PRRX2: variants seen among roughly 807,000 people sequenced by gnomAD.
PRRX2 encodes paired related homeobox 2, also known as paired mesoderm homeobox protein 2.
In PRRX2, 11 loss-of-function variants were observed where a neutral mutation model predicts 18.0. That is an observed-to-expected ratio of 0.61 (90% CI 0.39 to 1.01). The LOEUF (loss-of-function observed/expected upper bound fraction) is 1.01. PRRX2 is among the 50% of genes least tolerant of loss of function. PRRX2 has a pLI of 0.01. For missense variants in PRRX2, 387 were observed against 351.0 expected, an observed-to-expected ratio of 1.10 and a Z score of -0.82; for synonymous variants, 177 against 154.8, an observed-to-expected ratio of 1.14 and a Z score of -1.06.
chr9:129,691,028 T>C (rs1204553511), intron 1 of PRRX2, among the ~76,000 whole-genome samples: 1 of 151,972 alleles, frequency 6.6e-6, no homozygotes, highest in Non-Finnish European at 1.5e-5. Context: ...AACACAGATA[T>C]TATTAAAAAT....
chr9:129,696,253 C>T (rs919091016), intron 1 of PRRX2, among the ~76,000 whole-genome samples: 28 of 152,066 alleles, frequency 1.8e-4, no homozygotes, highest in African/African-American at 6.5e-4. Flanking sequence ...AGCCACATAC[C>T]CCTGAATAGT....
intron 1 of PRRX2, among the ~76,000 whole-genome samples, chr9:129,682,628 A>C (rs979402862): frequency 3.3e-5 from 5 of 151,830 alleles, no homozygotes; most frequent in African/African-American, 1.2e-4. Flanking sequence ...GAGTGTCTCC[A>C]CCCCCTCTCA....
At chr9:129,670,509 G>C (rs549184359) in intron 1 of PRRX2, among the ~76,000 whole-genome samples, 1 of 152,090 alleles carries the variant, frequency 6.6e-6, no homozygotes, top group Non-Finnish European at 1.5e-5. Flanking sequence ...CGAGTAGCTA[G>C]GATTACAGGT....
chr9:129,722,297 G>A lies in PRRX2; in HGVS notation c.707G>A (p.Arg236His), dbSNP rs201083423. 57 of 1,613,988 alleles carry A rather than the reference G, an allele frequency of 3.5e-5. No individual in the cohort carries two copies. Among genetic ancestry groups the A allele is most frequent in the East Asian group, 4.5e-5 (2 of 44,874 alleles). ...ATGGCCAACAGCATCGCCAGCCTCC[G>A]TCTCAAGGCCAAGGAGTTCAGCCTG... is the stretch of plus-strand genomic sequence containing the variant. ...VNMANSIASL[R>H]LKAKEFSLHH... is the part of the protein sequence containing the mutation. The change falls in exon 4 of 4, where the codon CGT (arginine) becomes CAT (histidine). Residue 236 changes from arginine to histidine, a missense_variant. Transcript: ENST00000372469.
chr9:129,717,921 G>T (rs959903111), intron 1 of PRRX2, among the ~76,000 whole-genome samples: 1 of 152,164 alleles, frequency 6.6e-6, no homozygotes, highest in African/African-American at 2.4e-5. Context: ...CTAAGTGCTG[G>T]AGGGAAGGGG....
At position 129,694,943 on chromosome 9, in the gene PRRX2, A is replaced by G. The variant is rs1421210733; in HGVS notation, c.260-24288A>G. On this transcript the variant is annotated intron_variant, in intron 1 of 3. Coordinates refer to ENST00000372469, the MANE Select transcript of PRRX2 (RefSeq NM_016307.4). Reference sequence around the variant, plus strand: ...GATTCAGCCACCATCCCCTCTCATCAGCCCCCCAAGACCCACTTGCCTGCA... The same window carrying G: ...GATTCAGCCACCATCCCCTCTCATCGGCCCCCCAAGACCCACTTGCCTGCA... 2.0e-5 allele frequency among the ~76,000 whole-genome samples: 3 copies of G among 152,120 alleles called. No individual in the cohort carries two copies. The East Asian group carries it at 5.8e-4, about 29-fold the overall frequency.
chr9:129,689,288 C>T (rs1832330820), intron 1 of PRRX2, among the ~76,000 whole-genome samples: 1 of 152,170 alleles, frequency 6.6e-6, no homozygotes, highest in Non-Finnish European at 1.5e-5. Flanking sequence ...CTCCCTGAGC[C>T]AGGGCTTCCT....
intron 1 of PRRX2, among the ~76,000 whole-genome samples, chr9:129,674,063 C>T (rs899533071): frequency 2.0e-5 from 3 of 152,122 alleles, no homozygotes; most frequent in East Asian, 1.9e-4. Context: ...CAGGACACCC[C>T]GCTCTAGCCA....
intron 1 of PRRX2, among the ~76,000 whole-genome samples, chr9:129,687,821 T>C (rs1000269827): frequency 6.6e-6 from 1 of 152,144 alleles, no homozygotes; most frequent in African/African-American, 2.4e-5. Context: ...CAGCATCAGC[T>C]CTCTGAGCCT....
chr9:129,691,335 A>G lies in PRRX2; in HGVS notation c.259+25209A>G, dbSNP rs796231993. Among the ~76,000 whole-genome samples the G allele has an allele frequency of 1.9e-4, 29 of 152,218 alleles. 1 individual carries two copies. The highest frequency in any genetic ancestry group is 7.0e-4 in the African/African-American group (29 of 41,528). On this transcript the variant is annotated intron_variant, in intron 1 of 3. Coordinates refer to ENST00000372469, the MANE Select transcript of PRRX2 (RefSeq NM_016307.4). ...TGCATGACAAAGCGACTCTGTCAAA[A>G]AAAAAAAATTATATAAACTTACAAT...
chr9:129,704,094 G>A (rs923590528), intron 1 of PRRX2, among the ~76,000 whole-genome samples: 4 of 152,216 alleles, frequency 2.6e-5, no homozygotes, highest in Admixed American at 6.5e-5. Context: ...CCACCTCTCC[G>A]TACAACATTG....
At chr9:129,686,782 A>G (rs1434924265) in intron 1 of PRRX2, among the ~76,000 whole-genome samples, 1 of 152,078 alleles carries the variant, frequency 6.6e-6, no homozygotes, top group African/African-American at 2.4e-5. Context: ...ATTCGCCCTC[A>G]CCACCGGCCG....
At chr9:129,707,879 C>G (rs1832576184) in intron 1 of PRRX2, among the ~76,000 whole-genome samples, 1 of 152,120 alleles carries the variant, frequency 6.6e-6, no homozygotes, top group Non-Finnish European at 1.5e-5. Flanking sequence ...GCGTCTGTAC[C>G]TAAGAGTGGA....
intron 1 of PRRX2, among the ~76,000 whole-genome samples, chr9:129,680,129 C>T (rs1244660516): frequency 2.6e-5 from 4 of 152,126 alleles, no homozygotes; most frequent in African/African-American, 9.7e-5. Context: ...TAGGCAGGCA[C>T]GGTGGCTCAT....
chr9:129,675,938 C>T lies in PRRX2; in HGVS notation c.259+9812C>T, dbSNP rs1311732952. On this transcript the variant is annotated intron_variant, in intron 1 of 3. Coordinates refer to ENST00000372469, the MANE Select transcript of PRRX2 (RefSeq NM_016307.4). The surrounding 1 kb of genome is among the most constrained non-coding windows in gnomAD (Gnocchi z 4.4). ...CTAACAAATAACGCGTAACAGAAAA[C>T]AGCTGTTAACAGCAGCCCTCTAATG... is the stretch of plus-strand genomic sequence containing the variant. 6.6e-6 allele frequency among the ~76,000 whole-genome samples: 1 copy of T among 152,214 alleles called. No individual in the cohort carries two copies. The highest frequency in any genetic ancestry group is 1.5e-5 in the Non-Finnish European group (1 of 68,042).
intron 1 of PRRX2, among the ~76,000 whole-genome samples, chr9:129,711,217 C>T (rs1832613483): frequency 6.6e-6 from 1 of 152,120 alleles, no homozygotes; most frequent in Admixed American, 6.6e-5. Context: ...GGACTGTGTG[C>T]TGCTCTCTGA....
At chr9:129,697,386 C>T (rs1236047328) in intron 1 of PRRX2, among the ~76,000 whole-genome samples, 1 of 151,768 alleles carries the variant, frequency 6.6e-6, no homozygotes, top group Non-Finnish European at 1.5e-5. Context: ...AGCAGCTGGG[C>T]GGCGGCGGCG....
intron 1 of PRRX2, among the ~76,000 whole-genome samples, chr9:129,714,068 C>T (rs902046812): frequency 6.6e-6 from 1 of 151,062 alleles, no homozygotes; most frequent in Non-Finnish European, 1.5e-5. Flanking sequence ...TTTGGGAGGC[C>T]AAGGCAGGTG....
chr9:129,674,191 T>C (rs1832136792), intron 1 of PRRX2, among the ~76,000 whole-genome samples: 1 of 152,184 alleles, frequency 6.6e-6, no homozygotes, highest in African/African-American at 2.4e-5. Context: ...GCTGCCCTGC[T>C]CTGTGTCCCT....
Sources: gnomAD v4.1 joint callset for allele counts (sites outside exome capture counted in the v4.1 genomes callset) on GRCh38, gnomAD v4.1.1 for gene constraint, Gnocchi (gnomAD v3.1) non-coding constraint, MANE v1.5 for transcripts, NCBI Gene and HGNC (gene_info 2026-07-23, HGNC 2026-07-21) for gene names.